The following PUDP variants were observed in gnomAD, a reference collection of about 807,000 sequenced individuals.
PUDP encodes the protein pseudouridine 5'-phosphatase.
Under a neutral mutation model 9.4 loss-of-function variants are expected in PUDP, and 8 were observed. That is an observed-to-expected ratio of 0.85 (90% CI 0.50 to 1.53). PUDP has a LOEUF of 1.53. PUDP is among the 40% of genes most tolerant of loss of function. The pLI is 0.00. For missense variants in PUDP, 188 were observed against 189.7 expected (o/e 0.99, Z 0.05); for synonymous variants, 99 against 80.7 (o/e 1.23, Z -1.22).
intron 3 of PUDP, among the ~76,000 whole-genome samples, chrX:6,904,381 C>T (rs1176730087): frequency 9.0e-6 from 1 of 110,841 alleles, no homozygotes; most frequent in Non-Finnish European, 1.9e-5. Flanking sequence ...TGAGTAGAGA[C>T]CAGGGATGCT....
intron 3 of PUDP, among the ~76,000 whole-genome samples, chrX:6,869,782 G>A (rs1927145602): frequency 9.0e-6 from 1 of 111,113 alleles, no homozygotes; most frequent in South Asian, 3.8e-4. Context: ...TGAGAAAGTG[G>A]AAAAATTGAA....
chrX:7,009,254 A>G (rs1929444773), intron 1 of PUDP, among the ~76,000 whole-genome samples: 1 of 112,340 alleles, frequency 8.9e-6, no homozygotes, highest in African/African-American at 3.2e-5. Flanking sequence ...CTATGAATCA[A>G]AGGAATACAG....
chrX:7,055,940 T>TTGGCTCTCATGCTTCCTTTTAAGCACC (rs747942868), intron 3 of PUDP, among the ~76,000 whole-genome samples: 1 of 111,626 alleles, frequency 9.0e-6, no homozygotes, highest in African/African-American at 3.3e-5. Flanking sequence ...CTGACTGAAC[T>TTGGCTCTCATGCTTCCTTTTAAGCACC]TGGCTCTCAT....
At position 6,844,982 on chromosome X, in the gene PUDP, C is replaced by T. The variant is rs1254425843; in HGVS notation, c.*247+132151G>A. 3.6e-5 allele frequency among the ~76,000 whole-genome samples: 4 copies of T among 112,372 alleles called. No individual in the cohort carries two copies. In the South Asian group the frequency reaches 1.1e-3, roughly 31 times the overall value. Reference sequence around the variant, plus strand: ...CAAATTCACCCTTCTTCTGCCTTTTCGTTTTATTTGGGCTCCCAATGGATT... The same window carrying T: ...CAAATTCACCCTTCTTCTGCCTTTTTGTTTTATTTGGGCTCCCAATGGATT... On this transcript the variant is annotated intron_variant and NMD_transcript_variant, in intron 3 of 3. Coordinates refer to the PUDP transcript ENST00000655425.
chrX:6,782,887 C>T (rs951602073), intron 3 of PUDP, among the ~76,000 whole-genome samples: 3 of 112,000 alleles, frequency 2.7e-5, no homozygotes, highest in African/African-American at 3.2e-5. Context: ...ATCATTTCTC[C>T]GTGATTTCTC....
At chrX:6,933,654 G>C (rs1157758872) in intron 3 of PUDP, among the ~76,000 whole-genome samples, 1 of 112,213 alleles carries the variant, frequency 8.9e-6, no homozygotes, top group Non-Finnish European at 1.9e-5. Flanking sequence ...CGAGCTGAGA[G>C]AAGAAGGCTT....
intron 1 of PUDP, among the ~76,000 whole-genome samples, chrX:7,131,862 C>T (rs1440301700): frequency 3.7e-5 from 4 of 107,821 alleles, no homozygotes; most frequent in Non-Finnish European, 7.7e-5. Flanking sequence ...CTGTGCTCCG[C>T]CTCTCACCGA....
chrX:6,947,938 T>C, intron 3 of PUDP, among the ~76,000 whole-genome samples: 1 of 112,296 alleles, frequency 8.9e-6, no homozygotes, highest in Non-Finnish European at 1.9e-5. Context: ...ATTTGTCCTT[T>C]AAACAGAACA....
chrX:6,778,848 G>T (rs1333227887), intron 3 of PUDP, among the ~76,000 whole-genome samples: 1 of 112,404 alleles, frequency 8.9e-6, no homozygotes, highest in Non-Finnish European at 1.9e-5. Flanking sequence ...TTTATTTCAT[G>T]TTAATCATTC....
chrX:6,721,095 C>G (rs772639733), intron 1 of PUDP, among the ~76,000 whole-genome samples: 1 of 111,686 alleles, frequency 9.0e-6, no homozygotes, highest in Non-Finnish European at 1.9e-5. Flanking sequence ...AGAAAAGATG[C>G]AAATATCCCA....
At chrX:7,047,475 A>C (rs1393581568), downstream of PUDP, among the ~76,000 whole-genome samples, 1 of 112,238 alleles carries the variant, frequency 8.9e-6, no homozygotes, top group Non-Finnish European at 1.9e-5. Context: ...TTATCTATTC[A>C]AGAGACTCAT....
At chrX:7,096,594 C>T (rs1272484295) in intron 2 of PUDP, among the ~76,000 whole-genome samples, 1 of 110,715 alleles carries the variant, frequency 9.0e-6, no homozygotes, top group Non-Finnish European at 1.9e-5. Flanking sequence ...CTTTGGGAGG[C>T]TGAGGAAGGA....
intron 3 of PUDP, among the ~76,000 whole-genome samples, chrX:6,829,286 T>C (rs1926470286): frequency 8.9e-6 from 1 of 111,886 alleles, no homozygotes; most frequent in African/African-American, 3.2e-5. Flanking sequence ...CTTGGTTGCT[T>C]CTACTTCTTA....
intron 3 of PUDP, among the ~76,000 whole-genome samples, chrX:6,924,789 A>G (rs1308267733): frequency 8.9e-6 from 1 of 112,705 alleles, no homozygotes; most frequent in Non-Finnish European, 1.9e-5. Context: ...TAAAAAAACA[A>G]TGCGTTATTT....
intron 2 of PUDP, among the ~76,000 whole-genome samples, chrX:7,100,777 T>C (rs1931705827): frequency 8.9e-6 from 1 of 111,948 alleles, no homozygotes; most frequent in Non-Finnish European, 1.9e-5. Flanking sequence ...AGCTATTTTA[T>C]CTTCATTTTT....
chrX:6,972,016 T>A (rs774218153), intron 3 of PUDP, among the ~76,000 whole-genome samples: 2 of 112,061 alleles, frequency 1.8e-5, no homozygotes, highest in East Asian at 5.6e-4. Flanking sequence ...TCTCCGTTTG[T>A]CTATTATTGG....
intron 1 of PUDP, among the ~76,000 whole-genome samples, chrX:7,147,397 G>C (rs1243819530): frequency 1.8e-5 from 2 of 111,439 alleles, no homozygotes; most frequent in East Asian, 5.7e-4. Flanking sequence ...CCTGTGCACT[G>C]CGGGAAGTTT....
chrX:6,823,499 G>T (rs1472407384), intron 3 of PUDP, among the ~76,000 whole-genome samples: 1 of 112,153 alleles, frequency 8.9e-6, no homozygotes, highest in Non-Finnish European at 1.9e-5. Flanking sequence ...ACACAACAAA[G>T]TCTGCTTTAC....
intron 3 of PUDP, among the ~76,000 whole-genome samples, chrX:6,849,076 T>C (rs1926790443): frequency 8.9e-6 from 1 of 111,994 alleles, no homozygotes; most frequent in South Asian, 3.7e-4. Flanking sequence ...ACAAAGAGTG[T>C]GATTCCCATT....
Sources: allele counts gnomAD v4.1 joint callset (sites outside exome capture counted in the v4.1 genomes callset), GRCh38; gene constraint gnomAD v4.1.1; transcripts MANE v1.5; gene names NCBI Gene and HGNC (gene_info 2026-07-23, HGNC 2026-07-21).